Variants in ARMC3 observed in about 807,000 individuals in gnomAD.
ARMC3 encodes armadillo repeat-containing protein 3.
ARMC3 carries 74 observed loss-of-function variants against 90.3 expected under a neutral mutation model. That is an observed-to-expected ratio of 0.82 (90% CI 0.68 to 0.99). ARMC3 has a LOEUF of 0.99. Among genes scored for constraint, ARMC3 ranks in the 50% least tolerant of loss-of-function variants. The pLI, the probability that ARMC3 is intolerant of heterozygous loss-of-function variation, is 0.00. For synonymous variants in ARMC3, 334 were observed against 361.8 expected, an observed-to-expected ratio of 0.92 and a Z score of 0.87; for missense variants, 958 against 1,042.8, an observed-to-expected ratio of 0.92 and a Z score of 1.12.
intron 8 of ARMC3, among the ~76,000 whole-genome samples, chr10:22,976,867 A>AG (rs750485938): frequency 6.6e-6 from 1 of 152,214 alleles, no homozygotes; most frequent in Admixed American, 6.5e-5. Context: ...ATATAATTGC[A>AG]GGGAGTTCAC....
At chr10:23,021,231 A>C (rs1838499879) in intron 16 of ARMC3, among the ~76,000 whole-genome samples, 1 of 152,202 alleles carries the variant, frequency 6.6e-6, no homozygotes, top group African/African-American at 2.4e-5. Context: ...ACATCTAGGT[A>C]GATGCCGTGT....
At chr10:22,986,368 A>G (rs1232436259) in intron 10 of ARMC3, among the ~76,000 whole-genome samples, 3 of 152,066 alleles carry the variant, frequency 2.0e-5, no homozygotes, top group Admixed American at 2.0e-4. Flanking sequence ...CATGGCCAAC[A>G]TGGCAAAACC....
chr10:23,000,221 T>C (rs1588898578), intron 11 of ARMC3, among the ~76,000 whole-genome samples: 1 of 152,174 alleles, frequency 6.6e-6, no homozygotes, highest in East Asian at 1.9e-4. Flanking sequence ...ACTCCAGAAA[T>C]GCCACACTGC....
chr10:22,959,178 G>A (rs1421537549), intron 5 of ARMC3, 40 bp downstream of exon 5: 1 of 1,521,682 alleles, frequency 6.6e-7, no homozygotes, highest in Non-Finnish European at 9.1e-7. Context: ...AAATGGAACT[G>A]GTTTTTTACA....
At chr10:22,964,623 G>T (rs7905261) in intron 7 of ARMC3, among the ~76,000 whole-genome samples, 8,846 of 151,646 alleles carry the variant, frequency 0.058, 831 homozygotes, top group African/African-American at 0.2. Flanking sequence ...ATTTTTGGTT[G>T]GGGGGAGGGG....
At chr10:22,986,255 T>C (rs1836431571) in intron 10 of ARMC3, among the ~76,000 whole-genome samples, 1 of 151,492 alleles carries the variant, frequency 6.6e-6, no homozygotes, top group African/African-American at 2.4e-5. Context: ...ACATCAAAAA[T>C]ACAACCAAAA....
chr10:23,005,934 G>A (rs763995296), intron 13 of ARMC3, among the ~76,000 whole-genome samples: 14 of 152,112 alleles, frequency 9.2e-5, no homozygotes, highest in Non-Finnish European at 1.9e-4. Context: ...GAGGGAGGGT[G>A]AGGGGCTCTG....
chr10:22,958,336 G>C (rs375707897), intron 4 of ARMC3, among the ~76,000 whole-genome samples: 31 of 152,238 alleles, frequency 2.0e-4, no homozygotes, highest in African/African-American at 7.0e-4. Flanking sequence ...AAGCAATCAA[G>C]ATGTATTAAT....
chr10:23,003,209 G>A (rs1837400664), intron 12 of ARMC3, 37 bp from the exon 13 acceptor site: 1 of 1,588,192 alleles, frequency 6.3e-7, no homozygotes, highest in East Asian at 2.2e-5. Flanking sequence ...TGGATGGCTT[G>A]TATAAAGCAA....
In ARMC3 at chr10:23,008,317, A is replaced by G; in HGVS notation, c.1871A>G (p.Tyr624Cys). 1 of 1,558,788 alleles carries G rather than the reference A, an allele frequency of 6.4e-7. No homozygotes were observed. Among genetic ancestry groups the G allele is most frequent in the Non-Finnish European group, 8.8e-7 (1 of 1,142,390 alleles). ...SSMEDKSDVG[Y>C]GRSISSSSSL... is the part of the protein sequence containing the mutation. ...ATGGAAGATAAATCAGATGTTGGTT[A>G]TGGACGAAGTATTTCTTCTTCATCT... Residue 624 changes from tyrosine to cysteine, a missense_variant, in exon 15 of 19, where the codon TAT becomes TGT. Physicochemically the swap from Tyr to Cys is radical, Grantham distance 194 (BLOSUM62 -2). Transcript: ENST00000298032.
intron 8 of ARMC3, among the ~76,000 whole-genome samples, chr10:22,978,448 A>G (rs778970570): frequency 3.3e-5 from 5 of 152,184 alleles, no homozygotes; most frequent in Non-Finnish European, 7.4e-5. Context: ...CTTGTGATTC[A>G]ATTATCACCA....
At chr10:23,009,824 A>G (rs1360457366) in intron 16 of ARMC3, among the ~76,000 whole-genome samples, 1 of 152,150 alleles carries the variant, frequency 6.6e-6, no homozygotes, top group South Asian at 2.1e-4. Context: ...TTTAAAACAT[A>G]CTTCTTCTAT....
chr10:23,034,845 A>AT (rs1157773144), intron 18 of ARMC3, among the ~76,000 whole-genome samples: 1 of 152,132 alleles, frequency 6.6e-6, no homozygotes, highest in Non-Finnish European at 1.5e-5. Flanking sequence ...GTTTTCCTTC[A>AT]TATGGCCTTA....
intron 16 of ARMC3, among the ~76,000 whole-genome samples, chr10:23,024,246 A>G (rs1236623966): frequency 5.9e-5 from 9 of 152,328 alleles, no homozygotes; most frequent in Admixed American, 5.9e-4. Context: ...GCAATGAAGA[A>G]GACAAATAAA....
chr10:22,961,716 T>A (rs762895439), intron 6 of ARMC3, 168 bp from the exon 7 acceptor site: 33 of 574,020 alleles, frequency 5.7e-5, no homozygotes, highest in Non-Finnish European at 3.9e-5. Context: ...TAAATTTTGA[T>A]GTTGTCAATT....
At chr10:22,974,744 G>A (rs937412262) in intron 8 of ARMC3, among the ~76,000 whole-genome samples, 1 of 152,072 alleles carries the variant, frequency 6.6e-6, no homozygotes, top group African/African-American at 2.4e-5. Context: ...CTGGGTCCAA[G>A]TGATTCTCTT....
chr10:22,988,547 G>A (rs111584237), intron 10 of ARMC3, among the ~76,000 whole-genome samples: 3,517 of 152,208 alleles, frequency 0.023, 53 homozygotes, highest in South Asian at 0.041. Flanking sequence ...TTATTCTATT[G>A]ATTTTAGGCT....
intron 2 of ARMC3, among the ~76,000 whole-genome samples, chr10:22,943,919 G>A (rs1196377172): frequency 5.4e-5 from 8 of 148,222 alleles, no homozygotes; most frequent in Non-Finnish European, 1.0e-4. Flanking sequence ...GGGCGACAGA[G>A]TGAGACTCCA....
chr10:22,977,863 T>A (rs556442551), intron 8 of ARMC3, among the ~76,000 whole-genome samples: 16 of 152,222 alleles, frequency 1.1e-4, no homozygotes, highest in Non-Finnish European at 2.1e-4. Flanking sequence ...GCTCTTCTCA[T>A]TGGAAGTGCA....
Sources: gnomAD v4.1 joint callset for allele counts (sites outside exome capture counted in the v4.1 genomes callset) on GRCh38, gnomAD v4.1.1 for gene constraint, MANE v1.5 for transcripts, NCBI Gene and HGNC (gene_info 2026-07-23, HGNC 2026-07-21) for gene names.